THBS2: variants seen among roughly 807,000 people sequenced by gnomAD.
The protein encoded by THBS2 is thrombospondin-2.
THBS2 carries 47 observed loss-of-function variants against 135.2 expected under a neutral mutation model. The observed-to-expected ratio is 0.35, with a 90% CI of 0.28 to 0.44. The LOEUF (loss-of-function observed/expected upper bound fraction) is 0.44. Ranked by LOEUF, THBS2 falls within the 20% of genes least tolerant of loss-of-function variation. THBS2 has a pLI of 1.00. For missense variants in THBS2, 1,288 were observed against 1,603.1 expected (o/e 0.80, Z 3.36); for synonymous variants, 639 against 633.8 (o/e 1.01, Z -0.12).
At position 169,225,275 on chromosome 6, in the gene THBS2, G is replaced by C; in HGVS notation, c.2643C>G (p.Asn881Lys). Residue 881 changes from asparagine to lysine, a missense_variant, in exon 17 of 22, where the codon AAC (asparagine) becomes AAG (lysine). By Grantham distance (94) the Asn-to-Lys change is moderately conservative. Coordinates refer to ENST00000617924, the MANE Select transcript of THBS2 (RefSeq NM_003247.5). Reference protein sequence around the residue: ...NNQDNCPYISNANQADHDRDG... With the variant: ...NNQDNCPYISKANQADHDRDG... ...CTCTGTCATGGTCAGCCTGGTTGGC[G>C]TTGGAGATGTAGGGGCAGTTGTCCT... is the stretch of plus-strand genomic sequence containing the variant. 1 of 1,607,708 alleles carries C rather than the reference G, an allele frequency of 6.2e-7. No individual in the cohort carries two copies. Among genetic ancestry groups the C allele is most frequent in the Non-Finnish European group, 8.5e-7 (1 of 1,176,804 alleles).
chr6:169,218,806 ATGAGTGCATGGGTGGGTGGC>A (rs1779300379), intron 21 of THBS2, among the ~76,000 whole-genome samples: 2 of 132,952 alleles, frequency 1.5e-5, no homozygotes, highest in South Asian at 2.7e-4. Context: ...GATGAGATGG[ATGAGTGCATGGGTGGGTGGC>A]TGAGATGGAT....
chr6:169,222,116 T>C, intron 19 of THBS2, 81 bp downstream of exon 19: 1 of 1,471,824 alleles, frequency 6.8e-7, no homozygotes, highest in Non-Finnish European at 9.0e-7. Flanking sequence ...GTGGGGTCTC[T>C]GGACTGGGCT....
chr6:169,244,285 G>A (rs1481601494), intron 4 of THBS2, among the ~76,000 whole-genome samples: 1 of 150,014 alleles, frequency 6.7e-6, no homozygotes, highest in East Asian at 2.0e-4. Context: ...TGCTGAAGGA[G>A]GCTGCACCTA....
intron 13 of THBS2, 28 bp from the exon 14 acceptor site, chr6:169,229,707 G>GA (rs769318263): frequency 6.3e-7 from 1 of 1,579,162 alleles, no homozygotes; most frequent in Non-Finnish European, 8.7e-7. Context: ...AGAATACTTG[G>GA]AAAAACATTT....
intron 21 of THBS2, chr6:169,219,802 A>T: frequency 1.9e-6 from 1 of 524,060 alleles, no homozygotes; most frequent in South Asian, 1.4e-5. Context: ...ATATACCTGT[A>T]GCGAGATAAC....
intron 10 of THBS2, 135 bp from the exon 11 acceptor site, chr6:169,233,152 T>G: frequency 7.7e-7 from 1 of 1,291,722 alleles, no homozygotes; most frequent in Non-Finnish European, 1.0e-6. Flanking sequence ...CTGGTGTGAT[T>G]CTGGATGATC....
At chr6:169,222,589 G>T in intron 18 of THBS2, 121 bp from the exon 19 acceptor site, 1 of 1,092,778 alleles carries the variant, frequency 9.2e-7, no homozygotes, top group Non-Finnish European at 1.3e-6. Flanking sequence ...GAGGTCAAGA[G>T]TTCGAGACTG....
At chr6:169,239,274 C>G in intron 7 of THBS2, 1 of 392,174 alleles carries the variant, frequency 2.5e-6, no homozygotes, top group Admixed American at 4.2e-5. Context: ...CACAGATCTA[C>G]GTGTGTTCTC....
At chr6:169,223,914 T>C (rs1583405491) in intron 17 of THBS2, among the ~76,000 whole-genome samples, 1 of 152,228 alleles carries the variant, frequency 6.6e-6, no homozygotes, top group East Asian at 1.9e-4. Flanking sequence ...GAACTCACAC[T>C]AAAATGGTTT....
At chr6:169,225,544 G>A (rs1779599684) in intron 16 of THBS2, among the ~76,000 whole-genome samples, 165 bp from the exon 17 acceptor site, 1 of 152,172 alleles carries the variant, frequency 6.6e-6, no homozygotes, top group Non-Finnish European at 1.5e-5. Flanking sequence ...CTGACGTCAG[G>A]ACAAGCACTG....
At chr6:169,221,613 A>G in intron 19 of THBS2, 86 bp from the exon 20 acceptor site, 1 of 1,196,420 alleles carries the variant, frequency 8.4e-7, no homozygotes, top group Middle Eastern at 2.1e-4. Flanking sequence ...AAGCAAAAAC[A>G]TGACTTTGCA....
At chr6:169,220,133 G>C in intron 21 of THBS2, 65 bp downstream of exon 21, 1 of 1,576,428 alleles carries the variant, frequency 6.3e-7, no homozygotes, top group Non-Finnish European at 8.6e-7. Flanking sequence ...AGAGCGCACT[G>C]TGTACCCCTT....
At chr6:169,236,835 TCCCCATCCACACTCACTC>T (rs1278758225) in intron 9 of THBS2, among the ~76,000 whole-genome samples, 4 of 141,412 alleles carry the variant, frequency 2.8e-5, no homozygotes, top group Admixed American at 1.4e-4. Context: ...CCACACTCAC[TCCCCATCCACACTCACTC>T]CCCCATCCAC....
chr6:169,221,544 C>T lies in THBS2; in HGVS notation c.3274-17G>A. On this transcript the variant is annotated splice_polypyrimidine_tract_variant and intron_variant, in intron 19 of 21. Coordinates refer to ENST00000617924, the MANE Select transcript of THBS2 (RefSeq NM_003247.5). ...GGTTCGCACCTGAGAGAGAACATAGCACTCTTGAGTGCCATGGGCACCCGG... is the reference window on the plus strand; with the variant it reads ...GGTTCGCACCTGAGAGAGAACATAGTACTCTTGAGTGCCATGGGCACCCGG... 6.2e-7 allele frequency: 1 copy of T among 1,612,896 alleles called. No individual in the cohort carries two copies. The highest frequency in any genetic ancestry group is 8.5e-7 in the Non-Finnish European group (1 of 1,179,336).
intron 20 of THBS2, 146 bp downstream of exon 20, chr6:169,221,284 G>C: frequency 1.5e-6 from 1 of 666,800 alleles, no homozygotes; most frequent in Non-Finnish European, 2.6e-6. Flanking sequence ...ATGCAGGATA[G>C]AAAAGAGAAA....
At chr6:169,237,838 C>T (rs1780157025) in intron 7 of THBS2, 43 bp from the exon 8 acceptor site, 2 of 1,588,114 alleles carry the variant, frequency 1.3e-6, no homozygotes, top group African/African-American at 1.3e-5. Context: ...CCCTGCCTCA[C>T]AGACGTGCCA....
rs1780228006 is a variant in THBS2, at chr6:169,239,784, T to C, written c.1033-89A>G. 6.1e-6 allele frequency: 6 copies of C among 975,908 alleles called. No homozygotes were observed. In the South Asian group the frequency reaches 7.2e-5, roughly 12 times the overall value. The allele number at this position is 975,908 out of a possible 1,614,324, so 60.5% of individuals were successfully genotyped here. ...CTGAGACTAGAAGGGGTCGACAGAA[T>C]GGCTGAATGTTTTCCATCCTACGGA... On this transcript the variant is annotated intron_variant, in intron 6 of 21. Coordinates refer to ENST00000617924, the MANE Select transcript of THBS2 (RefSeq NM_003247.5).
In THBS2 at chr6:169,237,762, G is replaced by A. The variant is rs1363708273; in HGVS notation, c.1163C>T (p.Ala388Val). Residue 388 changes from alanine to valine, a missense_variant, in exon 8 of 22, where the codon GCA becomes GTA. Ala to Val is a moderately conservative substitution (Grantham distance 64, BLOSUM62 0). Coordinates refer to ENST00000617924, the MANE Select transcript of THBS2 (RefSeq NM_003247.5). ...VDGEEGWSPW[A>V]EWTQCSVTCG... Reference sequence around the variant, plus strand: ...CGTCACGGAGCACTGGGTCCACTCTGCCCACGGAGACCAGCCCTCCTCACC... The same window carrying A: ...CGTCACGGAGCACTGGGTCCACTCTACCCACGGAGACCAGCCCTCCTCACC... 3 of 1,611,672 alleles carry A rather than the reference G, an allele frequency of 1.9e-6. No individual in the cohort carries two copies. The highest frequency in any genetic ancestry group is 2.5e-6 in the Non-Finnish European group (3 of 1,179,922).
chr6:169,247,540 A>G (rs1780593445), intron 3 of THBS2, among the ~76,000 whole-genome samples: 1 of 151,084 alleles, frequency 6.6e-6, no homozygotes, highest in Non-Finnish European at 1.5e-5. Flanking sequence ...GGGATGTGTG[A>G]GTGTATGTAT....
Sources: gnomAD v4.1 joint callset for allele counts (sites outside exome capture counted in the v4.1 genomes callset) on GRCh38, gnomAD v4.1.1 for gene constraint, MANE v1.5 for transcripts, NCBI Gene and HGNC (gene_info 2026-07-23, HGNC 2026-07-21) for gene names.